The following PBX3 variants were observed in gnomAD, a reference collection of about 807,000 sequenced individuals.
The protein encoded by PBX3 is pre-B-cell leukemia transcription factor 3.
A neutral mutation model predicts 48.5 loss-of-function variants in PBX3; 14 were observed. That is an observed-to-expected ratio of 0.29 (90% CI 0.19 to 0.45). PBX3 has a LOEUF of 0.45. PBX3 is among the 20% of genes least tolerant of loss of function. The pLI, the probability that PBX3 is intolerant of heterozygous loss-of-function variation, is 1.00. For synonymous variants in PBX3, 210 were observed against 200.3 expected (o/e 1.05, Z -0.41); for missense variants, 386 against 546.7 (o/e 0.71, Z 2.93).
intron 2 of PBX3, among the ~76,000 whole-genome samples, chr9:125,793,996 G>C (rs913308523): frequency 6.6e-6 from 1 of 152,088 alleles, no homozygotes; most frequent in East Asian, 1.9e-4. Context: ...ACTTAAATTT[G>C]TGTGATAACA....
intron 3 of PBX3, among the ~76,000 whole-genome samples, chr9:125,923,121 T>A (rs568743555): frequency 6.6e-6 from 1 of 152,380 alleles, no homozygotes; most frequent in South Asian, 2.1e-4. Context: ...ATTCAGCAAA[T>A]GTTTTAGCAA....
intron 2 of PBX3, among the ~76,000 whole-genome samples, chr9:125,813,257 A>C (rs1413447676): frequency 6.6e-6 from 1 of 151,728 alleles, no homozygotes; most frequent in Non-Finnish European, 1.5e-5. Flanking sequence ...CTTTTTATTA[A>C]TTTTTTTTAC....
At chr9:125,919,293 G>A (rs902190814) in intron 3 of PBX3, among the ~76,000 whole-genome samples, 5 of 150,704 alleles carry the variant, frequency 3.3e-5, no homozygotes, top group African/African-American at 7.3e-5. Flanking sequence ...GGCTCACTGC[G>A]ACCTCCGCTT....
intron 3 of PBX3, among the ~76,000 whole-genome samples, chr9:125,924,091 A>T (rs1841516144): frequency 2.0e-5 from 3 of 151,634 alleles, no homozygotes; most frequent in East Asian, 1.9e-4. Flanking sequence ...GCTGGTCTTG[A>T]ACTCCTGGGC....
At chr9:125,793,621 G>A (rs1837688619) in intron 2 of PBX3, among the ~76,000 whole-genome samples, 1 of 151,474 alleles carries the variant, frequency 6.6e-6, no homozygotes, top group Non-Finnish European at 1.5e-5. Context: ...GTAGAGACGG[G>A]GTTTCACCAT....
At chr9:125,881,104 C>T (rs1840370881) in intron 2 of PBX3, among the ~76,000 whole-genome samples, 1 of 152,198 alleles carries the variant, frequency 6.6e-6, no homozygotes, top group Non-Finnish European at 1.5e-5. Flanking sequence ...GACACTTGTT[C>T]CATGAAGGCA....
intron 2 of PBX3, among the ~76,000 whole-genome samples, chr9:125,788,135 T>C (rs1837506102): frequency 6.6e-6 from 1 of 152,250 alleles, no homozygotes; most frequent in Non-Finnish European, 1.5e-5. Flanking sequence ...CAAGTTAATT[T>C]TTCTTAGATA....
chr9:125,770,734 T>A (rs1168769059), intron 2 of PBX3, among the ~76,000 whole-genome samples: 3 of 151,992 alleles, frequency 2.0e-5, no homozygotes, highest in African/African-American at 4.8e-5. Context: ...TGGCAATATT[T>A]AAGAAAAAAA....
intron 2 of PBX3, among the ~76,000 whole-genome samples, chr9:125,751,804 C>G (rs1836382439): frequency 6.6e-6 from 1 of 152,164 alleles, no homozygotes; most frequent in African/African-American, 2.4e-5. Flanking sequence ...CCTGATGCCA[C>G]AAGGTCTGCT....
intron 2 of PBX3, among the ~76,000 whole-genome samples, chr9:125,795,466 A>G (rs1041864456): frequency 1.8e-4 from 27 of 152,354 alleles, no homozygotes; most frequent in African/African-American, 6.5e-4. Flanking sequence ...CATATGCTCT[A>G]GAGTTAACCA....
Position 125,784,099 on chromosome 9 carries a change from T to C in PBX3, c.274+35476T>C, listed in dbSNP as rs376491328. On this transcript the variant is annotated intron_variant, in intron 2 of 8. Transcript: ENST00000373489. ...GTTAATGTCTTCTGTGGATGGGCCA[T>C]AGTTTTTGTTTCTTGATGGGTTTCA... Among the ~76,000 whole-genome samples the C allele has an allele frequency of 1.8e-4, 27 of 152,294 alleles. No individual in the cohort carries two copies. The East Asian group carries it at 2.9e-3, about 16-fold the overall frequency.
intron 2 of PBX3, among the ~76,000 whole-genome samples, chr9:125,806,442 C>T (rs148066993): frequency 0.019 from 2,925 of 152,230 alleles, 34 homozygotes; most frequent in Middle Eastern, 0.037. Context: ...CTGCCAGGTT[C>T]GGTGTCTGGT....
At chr9:125,909,168 C>T (rs1433255392) in intron 2 of PBX3, among the ~76,000 whole-genome samples, 2 of 152,016 alleles carry the variant, frequency 1.3e-5, no homozygotes, top group Non-Finnish European at 2.9e-5. Flanking sequence ...GGCTGCTCTT[C>T]ACTTCACAGT....
chr9:125,779,245 C>CTTTTTTTT (rs34221799), intron 2 of PBX3, among the ~76,000 whole-genome samples: 1 of 127,838 alleles, frequency 7.8e-6, no homozygotes, highest in Non-Finnish European at 1.6e-5. Context: ...AACTTTGTTC[C>CTTTTTTTT]TTTTTTTTTT....
intron 5 of PBX3, among the ~76,000 whole-genome samples, chr9:125,959,161 A>C (rs1842372244): frequency 6.6e-6 from 1 of 152,234 alleles, no homozygotes; most frequent in Non-Finnish European, 1.5e-5. Context: ...TGCTCTGCAT[A>C]ATGGTCATTC....
chr9:125,928,459 AT>A lies in PBX3; in HGVS notation c.517-1180del, dbSNP rs200023708. ...GTACTGAAAGAGACAATGTCTGAGG[AT>A]TTTTTTTTTTTTTTTGAGACAGAAT... On this transcript the variant is annotated intron_variant, in intron 3 of 8. Coordinates refer to ENST00000373489, the MANE Select transcript of PBX3 (RefSeq NM_006195.6). Among the ~76,000 whole-genome samples the A allele has an allele frequency of 7.7e-3, 996 of 128,714 alleles. 4 individuals carry two copies. Among genetic ancestry groups the A allele is most frequent in the Admixed American group, 9.7e-3 (126 of 13,012 alleles). The allele number at this position is 128,714 out of a possible 152,430, so 84.4% of individuals were successfully genotyped here.
At chr9:125,937,682 A>G (rs1010985635) in intron 5 of PBX3, among the ~76,000 whole-genome samples, 1 of 152,210 alleles carries the variant, frequency 6.6e-6, no homozygotes, top group Non-Finnish European at 1.5e-5. Context: ...TTTTTTAAAG[A>G]CAGGGTCTCG....
chr9:125,760,168 C>T (rs1039791563), intron 2 of PBX3, among the ~76,000 whole-genome samples: 3 of 152,134 alleles, frequency 2.0e-5, no homozygotes, highest in South Asian at 2.1e-4. Context: ...ATTTTGTGCT[C>T]GAATTTCAGG....
chr9:125,810,929 A>G (rs1230704915), intron 2 of PBX3, among the ~76,000 whole-genome samples: 5 of 152,156 alleles, frequency 3.3e-5, no homozygotes, highest in Admixed American at 2.6e-4. Flanking sequence ...GCCCAGTGGT[A>G]GTCTTCCATG....
Sources: gnomAD v4.1 joint callset for allele counts (sites outside exome capture counted in the v4.1 genomes callset) on GRCh38, gnomAD v4.1.1 for gene constraint, MANE v1.5 for transcripts, NCBI Gene and HGNC (gene_info 2026-07-23, HGNC 2026-07-21) for gene names.